The following CTNNA2 variants were observed in gnomAD, a reference collection of about 807,000 sequenced individuals.
CTNNA2 encodes catenin alpha-2.
In CTNNA2, 42 loss-of-function variants were observed where a neutral mutation model predicts 101.0. The ratio of observed to expected loss-of-function variants is 0.42; its 90% CI spans 0.32 to 0.54. CTNNA2 has a LOEUF of 0.54. CTNNA2 is among the 20% of genes least tolerant of loss of function. The probability of loss-of-function intolerance (pLI) is 0.14; values close to 1 mark genes in which losing one functional copy is unlikely to be tolerated. For synonymous variants in CTNNA2, 450 were observed against 456.4 expected, an observed-to-expected ratio of 0.99 and a Z score of 0.18; for missense variants, 871 against 1,223.1, an observed-to-expected ratio of 0.71 and a Z score of 4.29.
intron 1 of CTNNA2, among the ~76,000 whole-genome samples, chr2:79,564,763 T>C (rs1022650289): frequency 6.6e-5 from 10 of 152,318 alleles, no homozygotes; most frequent in African/African-American, 2.4e-4. Flanking sequence ...TGTCATACTT[T>C]GCTTTTTCTG....
chr2:80,137,085 G>T (rs546391416), intron 7 of CTNNA2, among the ~76,000 whole-genome samples: 3 of 152,188 alleles, frequency 2.0e-5, no homozygotes, highest in Admixed American at 1.3e-4. Flanking sequence ...AGAAATAAAA[G>T]ATATGTCTCT....
chr2:80,480,891 C>G (rs6727364), intron 9 of CTNNA2, among the ~76,000 whole-genome samples: 2,293 of 152,062 alleles, frequency 0.015, 41 homozygotes, highest in African/African-American at 0.052. Context: ...AAGATAGTTG[C>G]GATAAATAAA....
At chr2:80,274,490 T>C (rs1026925219) in intron 7 of CTNNA2, among the ~76,000 whole-genome samples, 1 of 152,212 alleles carries the variant, frequency 6.6e-6, no homozygotes, top group African/African-American at 2.4e-5. Flanking sequence ...TCTGCCACTC[T>C]TCTCTGCTTC....
chr2:79,941,413 G>A (rs370132819), intron 7 of CTNNA2, among the ~76,000 whole-genome samples: 92 of 152,140 alleles, frequency 6.0e-4, no homozygotes, highest in Middle Eastern at 3.4e-3. Context: ...CTGGTGTTCC[G>A]GGCCGTTGAT....
chr2:80,096,747 T>C (rs1420333767), intron 7 of CTNNA2, among the ~76,000 whole-genome samples: 2 of 152,238 alleles, frequency 1.3e-5, no homozygotes, highest in Non-Finnish European at 2.9e-5. Flanking sequence ...ATTGATCCCT[T>C]TACCATTATG....
chr2:79,870,062 A>G, intron 5 of CTNNA2, 127 bp downstream of exon 5: 2 of 1,249,730 alleles, frequency 1.6e-6, no homozygotes, highest in Non-Finnish European at 2.2e-6. Context: ...ACCTGTGATG[A>G]CAAAGGTTGC....
At chr2:80,406,137 C>G (rs1055567475) in intron 8 of CTNNA2, among the ~76,000 whole-genome samples, 1 of 152,026 alleles carries the variant, frequency 6.6e-6, no homozygotes, top group African/African-American at 2.4e-5. Flanking sequence ...GCGGGTGGAT[C>G]ACAAGGTCAG....
At chr2:79,484,963 C>T (rs1451921468) in intron 4 of CTNNA2, among the ~76,000 whole-genome samples, 1 of 152,088 alleles carries the variant, frequency 6.6e-6, no homozygotes, top group Non-Finnish European at 1.5e-5. Flanking sequence ...CCTTTACCAG[C>T]CATACTTCAT....
At chr2:79,482,582 A>G (rs528276747) in intron 4 of CTNNA2, among the ~76,000 whole-genome samples, 2 of 152,296 alleles carry the variant, frequency 1.3e-5, no homozygotes, top group South Asian at 4.1e-4. Context: ...AGGGTCATAC[A>G]CCCAAAAATG....
At position 79,401,783 on chromosome 2, in the gene CTNNA2, T is replaced by A. The variant is rs544653046; in HGVS notation, c.-135+27770T>A. Among the ~76,000 whole-genome samples, 141 of 151,690 alleles carry A rather than the reference T, an allele frequency of 9.3e-4. 1 individual carries two copies. The highest frequency in any genetic ancestry group is 3.3e-3 in the African/African-American group (135 of 41,500). ...ATCCATAATTAAGTTAAAAGTAAATTAAATTGACACTTTATTCAAAAGAAA... is the reference window on the plus strand; with the variant it reads ...ATCCATAATTAAGTTAAAAGTAAATAAAATTGACACTTTATTCAAAAGAAA... On this transcript the variant is annotated intron_variant, in intron 4 of 21. Coordinates refer to the CTNNA2 transcript ENST00000466387.
At chr2:79,640,028 A>C (rs1416968200) in intron 1 of CTNNA2, among the ~76,000 whole-genome samples, 1 of 152,018 alleles carries the variant, frequency 6.6e-6, no homozygotes, top group South Asian at 2.1e-4. Flanking sequence ...TAGCATTTTG[A>C]GTAACGCCCA....
Position 80,196,372 on chromosome 2 carries a change from C to G in CTNNA2, c.1057-196839C>G, listed in dbSNP as rs528230415. ...CTTTGGCAAACATGAGCAAACTATG[C>G]TATTTCCTGTGACCTTGTGCCCCTA... On this transcript the variant is annotated intron_variant, in intron 7 of 18. Coordinates refer to ENST00000402739, the MANE Select transcript of CTNNA2 (RefSeq NM_001282597.3). Among the ~76,000 whole-genome samples the G allele has an allele frequency of 5.3e-5, 8 of 152,268 alleles. No homozygotes were observed. In the East Asian group the frequency reaches 1.5e-3, roughly 29 times the overall value.
intron 3 of CTNNA2, among the ~76,000 whole-genome samples, chr2:79,338,120 C>T (rs1352110645): frequency 5.9e-5 from 9 of 151,858 alleles, no homozygotes; most frequent in African/African-American, 1.2e-4. Flanking sequence ...TGGTGGCACA[C>T]GCCTATAATC....
At chr2:79,673,760 G>A (rs912546949) in intron 2 of CTNNA2, among the ~76,000 whole-genome samples, 1 of 152,064 alleles carries the variant, frequency 6.6e-6, no homozygotes, top group African/African-American at 2.4e-5. Flanking sequence ...TTACTTCTAT[G>A]ATCCTTTTTG....
Position 80,303,786 on chromosome 2 carries a change from A to G in CTNNA2, c.1057-89425A>G. On this transcript the variant is annotated intron_variant, in intron 7 of 18. Coordinates refer to ENST00000402739, the MANE Select transcript of CTNNA2 (RefSeq NM_001282597.3). This position sits in a 1 kb window ranked among gnomAD's most constrained non-coding sequence, Gnocchi z 7.7. ...ACCCCCGAGGGCCTCCTCAGCAGCC[A>G]GTATAGACAGAGACCGAGCAGCAGG... 1 of 1,534,448 alleles carries G rather than the reference A, an allele frequency of 6.5e-7. No homozygotes were observed. Among genetic ancestry groups the G allele is most frequent in the Non-Finnish European group, 8.8e-7 (1 of 1,142,184 alleles).
chr2:80,530,228 C>T (rs1375656703), intron 9 of CTNNA2, among the ~76,000 whole-genome samples: 2 of 152,180 alleles, frequency 1.3e-5, no homozygotes, highest in East Asian at 1.9e-4. Context: ...TGAAATAACC[C>T]TCCTGCCCAC....
At chr2:79,386,458 C>G (rs1473753848) in intron 4 of CTNNA2, among the ~76,000 whole-genome samples, 1 of 152,170 alleles carries the variant, frequency 6.6e-6, no homozygotes. Flanking sequence ...TTTCCTTCCT[C>G]TTAGAATGCA....
chr2:80,290,209 T>A (rs1266121895), intron 7 of CTNNA2, among the ~76,000 whole-genome samples: 12 of 151,024 alleles, frequency 7.9e-5, no homozygotes, highest in Non-Finnish European at 1.8e-4. Flanking sequence ...AAGCTCTGTC[T>A]AATTAATTCC....
chr2:79,526,606 G>A (rs893100353), intron 1 of CTNNA2, among the ~76,000 whole-genome samples: 1 of 151,896 alleles, frequency 6.6e-6, no homozygotes, highest in African/African-American at 2.4e-5. Flanking sequence ...GAGACTAAAT[G>A]GTATTGACAT....
Sources: gnomAD v4.1 joint callset for allele counts (sites outside exome capture counted in the v4.1 genomes callset) on GRCh38, gnomAD v4.1.1 for gene constraint, Gnocchi (gnomAD v3.1) non-coding constraint, MANE v1.5 for transcripts, NCBI Gene and HGNC (gene_info 2026-07-23, HGNC 2026-07-21) for gene names.